The following SLC4A4 variants were observed in gnomAD, a reference collection of about 807,000 sequenced individuals.
SLC4A4 encodes electrogenic sodium bicarbonate cotransporter 1.
A neutral mutation model predicts 111.5 loss-of-function variants in SLC4A4; 27 were observed. That is an observed-to-expected ratio of 0.24 (90% CI 0.18 to 0.33). The LOEUF (loss-of-function observed/expected upper bound fraction) is 0.33, where lower values mean the gene tolerates loss of function less well. SLC4A4 is among the 10% of genes least tolerant of loss of function. The probability of loss-of-function intolerance (pLI) is 1.00; values close to 1 mark genes in which losing one functional copy is unlikely to be tolerated. For synonymous variants in SLC4A4, 443 were observed against 463.4 expected (o/e 0.96, Z 0.57); for missense variants, 909 against 1,315.5 (o/e 0.69, Z 4.78).
intron 3 of SLC4A4, among the ~76,000 whole-genome samples, chr4:71,334,102 C>T (rs1728234406): frequency 6.6e-6 from 1 of 152,104 alleles, no homozygotes; most frequent in African/African-American, 2.4e-5. Context: ...ATGGCCACCA[C>T]AGCTGGGAAT....
chr4:71,252,404 A>C (rs1282512068), intron 2 of SLC4A4, among the ~76,000 whole-genome samples: 1 of 152,216 alleles, frequency 6.6e-6, no homozygotes, highest in African/African-American at 2.4e-5. Flanking sequence ...CTGATGGAGC[A>C]GAAAGCACTG....
rs750281087 is a variant in SLC4A4 at position 71,176,514 on chromosome 4, G to A, written c.-1-60062G>A. ...CTGATGGAGCTGAAAACCAAGGCAC[G>A]AGAACTACGTGACAAATGCACAAGC... On this transcript the variant is annotated intron_variant, in intron 2 of 26. Coordinates refer to the SLC4A4 transcript ENST00000649996. Among the ~76,000 whole-genome samples, 9 of 152,186 alleles carry A rather than the reference G, an allele frequency of 5.9e-5. No homozygotes were observed. The East Asian group carries it at 1.3e-3, about 23-fold the overall frequency.
At chr4:71,204,942 G>C (rs1467834070) in intron 1 of SLC4A4, among the ~76,000 whole-genome samples, 3 of 152,126 alleles carry the variant, frequency 2.0e-5, no homozygotes, top group Non-Finnish European at 4.4e-5. Flanking sequence ...CTAACACTGG[G>C]GTTAACACGT....
At chr4:71,115,964 G>A (rs755727886) in intron 2 of SLC4A4, among the ~76,000 whole-genome samples, 1 of 152,012 alleles carries the variant, frequency 6.6e-6, no homozygotes, top group Non-Finnish European at 1.5e-5. Context: ...GCACGATCTC[G>A]GCTCACTGCA....
chr4:71,119,246 T>A (rs1743351515), intron 2 of SLC4A4, among the ~76,000 whole-genome samples: 1 of 152,184 alleles, frequency 6.6e-6, no homozygotes, highest in Non-Finnish European at 1.5e-5. Context: ...AAGAAATATA[T>A]CCCACTATTT....
At chr4:71,524,944 A>G (rs759459323) in intron 16 of SLC4A4, among the ~76,000 whole-genome samples, 20 of 152,108 alleles carry the variant, frequency 1.3e-4, no homozygotes, top group Non-Finnish European at 2.5e-4. Context: ...CTGTAGACTC[A>G]TGGCCCTTTC....
intron 2 of SLC4A4, among the ~76,000 whole-genome samples, chr4:71,111,607 C>G (rs1192561006): frequency 6.9e-6 from 1 of 144,796 alleles, no homozygotes; most frequent in Non-Finnish European, 1.5e-5. Flanking sequence ...GTCTTGAACT[C>G]CTGACCTCAG....
intron 2 of SLC4A4, among the ~76,000 whole-genome samples, chr4:71,149,867 T>G (rs982147949): frequency 1.3e-5 from 2 of 152,214 alleles, no homozygotes; most frequent in Non-Finnish European, 2.9e-5. Context: ...TTTTGATTCA[T>G]CAAATGGAGC....
intron 2 of SLC4A4, among the ~76,000 whole-genome samples, chr4:71,130,162 G>A (rs563493767): frequency 9.9e-5 from 15 of 152,108 alleles, no homozygotes; most frequent in African/African-American, 3.6e-4. Context: ...CCTCTTATCC[G>A]TCTTCAGGGA....
chr4:71,353,748 A>G (rs747100428), intron 5 of SLC4A4, among the ~76,000 whole-genome samples: 8 of 152,206 alleles, frequency 5.3e-5, no homozygotes, highest in Non-Finnish European at 7.3e-5. Flanking sequence ...AAATGAGAAG[A>G]AAAAGAAATA....
intron 3 of SLC4A4, among the ~76,000 whole-genome samples, chr4:71,288,359 T>A (rs1033865269): frequency 9.9e-5 from 15 of 152,142 alleles, no homozygotes; most frequent in Non-Finnish European, 1.8e-4. Flanking sequence ...CAGCACTTGA[T>A]GGTCTAGCCT....
intron 19 of SLC4A4, 152 bp downstream of exon 19, chr4:71,546,680 A>T (rs895438994): frequency 3.2e-5 from 23 of 729,870 alleles, no homozygotes; most frequent in Non-Finnish European, 5.1e-5. Flanking sequence ...CTAAATTTTC[A>T]TCAGAGGTTT....
chr4:71,159,088 T>C (rs1744553034), intron 2 of SLC4A4, among the ~76,000 whole-genome samples: 1 of 152,160 alleles, frequency 6.6e-6, no homozygotes, highest in South Asian at 2.1e-4. Flanking sequence ...CACAAATTTG[T>C]GTGTGTTCAT....
At chr4:71,229,978 A>G (rs1719309711) in intron 1 of SLC4A4, among the ~76,000 whole-genome samples, 1 of 152,090 alleles carries the variant, frequency 6.6e-6, no homozygotes, top group Non-Finnish European at 1.5e-5. Flanking sequence ...GGCTTAGAGA[A>G]TTGTGTCTTG....
At chr4:71,078,191 C>T (rs1741897535) in intron 1 of SLC4A4, among the ~76,000 whole-genome samples, 2 of 152,060 alleles carry the variant, frequency 1.3e-5, no homozygotes, top group South Asian at 4.1e-4. Flanking sequence ...TGCATCAAAC[C>T]ATCTTTGAAT....
chr4:71,127,670 A>G (rs1340762104), intron 2 of SLC4A4, among the ~76,000 whole-genome samples: 1 of 152,176 alleles, frequency 6.6e-6, no homozygotes, highest in Non-Finnish European at 1.5e-5. Flanking sequence ...TTTTTATTTC[A>G]CTTTTTAAGA....
intron 6 of SLC4A4, among the ~76,000 whole-genome samples, chr4:71,392,317 A>G (rs1471053688): frequency 6.6e-6 from 1 of 152,146 alleles, no homozygotes; most frequent in African/African-American, 2.4e-5. Flanking sequence ...AAGGATGATA[A>G]GTTAATGATT....
At chr4:71,318,190 C>A (rs140870912) in intron 3 of SLC4A4, among the ~76,000 whole-genome samples, 30 of 152,114 alleles carry the variant, frequency 2.0e-4, no homozygotes, top group Non-Finnish European at 4.1e-4. Context: ...CCCCAAATAA[C>A]ATTGGAAAGC....
intron 3 of SLC4A4, among the ~76,000 whole-genome samples, chr4:71,296,126 CTTTCTTTTTATACCTT>C (rs1724767215): frequency 1.3e-5 from 2 of 150,124 alleles, no homozygotes; most frequent in African/African-American, 4.9e-5. Context: ...TTTTCATTTT[CTTTCTTTTTATACCTT>C]ATACAAATAA....
Sources: gnomAD v4.1 joint callset for allele counts (sites outside exome capture counted in the v4.1 genomes callset) on GRCh38, gnomAD v4.1.1 for gene constraint, MANE v1.5 for transcripts, NCBI Gene and HGNC (gene_info 2026-07-23, HGNC 2026-07-21) for gene names.